The following EPHA4 variants were observed in gnomAD, a reference collection of about 807,000 sequenced individuals.
EPHA4 encodes ephrin type-A receptor 4.
In EPHA4, 19 loss-of-function variants were observed where a neutral mutation model predicts 108.3. That is an observed-to-expected ratio of 0.18 (90% confidence interval 0.12 to 0.26). The LOEUF is 0.26. EPHA4 is among the 10% of genes least tolerant of loss of function. EPHA4 has a pLI of 1.00. For missense variants in EPHA4, 917 were observed against 1,254.0 expected, an observed-to-expected ratio of 0.73 and a Z score of 4.06; for synonymous variants, 449 against 455.5, an observed-to-expected ratio of 0.99 and a Z score of 0.18.
intron 5 of EPHA4, among the ~76,000 whole-genome samples, chr2:221,473,971 G>A (rs747866257): frequency 6.6e-6 from 1 of 152,162 alleles, no homozygotes; most frequent in Non-Finnish European, 1.5e-5. Flanking sequence ...CTTTCTGTAG[G>A]AGCAAAAGGA....
At position 221,420,412 on chromosome 2, in the gene EPHA4, A is replaced by G. The variant is rs1574547045; in HGVS notation, c.*960T>C. ...TTTCAGGTATGGGTGTTGTTTCATC[A>G]GTGTCTTTGCCCCAGAACTGGTGTA... On this transcript the variant is annotated 3_prime_UTR_variant, in exon 18 of 18. Coordinates refer to ENST00000281821, the MANE Select transcript of EPHA4 (RefSeq NM_004438.5). The G allele has an allele frequency of 6.6e-6, 1 of 152,640 alleles. No individual in the cohort carries two copies. The highest frequency in any genetic ancestry group is 1.9e-4 in the East Asian group (1 of 5,194). The allele number at this position is 152,640 out of a possible 1,614,324, so 9.5% of individuals were successfully genotyped here.
At chr2:221,570,369 A>G (rs1694794703) in intron 1 of EPHA4, among the ~76,000 whole-genome samples, 1 of 151,970 alleles carries the variant, frequency 6.6e-6, no homozygotes, top group Non-Finnish European at 1.5e-5. Flanking sequence ...AACAGTCTCT[A>G]CATCTGGGGC....
At chr2:221,431,788 G>T (rs1690084402) in intron 14 of EPHA4, among the ~76,000 whole-genome samples, 1 of 152,300 alleles carries the variant, frequency 6.6e-6, no homozygotes, top group Middle Eastern at 3.4e-3. Context: ...TCCACTGCCA[G>T]CTTGGAAGAT....
intron 3 of EPHA4, chr2:221,532,582 A>G (rs1315239097): frequency 6.6e-6 from 1 of 152,234 alleles, no homozygotes; most frequent in Non-Finnish European, 1.5e-5. Context: ...TTTAGTTCCT[A>G]CTTAAGGAAC....
chr2:221,571,932 T>A lies in EPHA4; in HGVS notation c.91+226A>T, dbSNP rs1315910624. On this transcript the variant is annotated intron_variant, in intron 1 of 17. Coordinates refer to ENST00000281821, the MANE Select transcript of EPHA4 (RefSeq NM_004438.5). The surrounding 1 kb of genome is among the most constrained non-coding windows in gnomAD (Gnocchi z 6.3). ...TAAACTTTGGCCTTTGGTTACAAAC[T>A]TGGACAGACCCGCCGCGTGCACGGG... Among the ~76,000 whole-genome samples the A allele has an allele frequency of 6.6e-6, 1 of 152,116 alleles. No homozygotes were observed. Among genetic ancestry groups the A allele is most frequent in the Non-Finnish European group, 1.5e-5 (1 of 68,022 alleles).
At chr2:221,511,226 C>T (rs1692817631) in intron 3 of EPHA4, among the ~76,000 whole-genome samples, 1 of 151,782 alleles carries the variant, frequency 6.6e-6, no homozygotes, top group Non-Finnish European at 1.5e-5. Flanking sequence ...TTAAAGTGAA[C>T]TAAAAACGGC....
At chr2:221,497,772 C>T (rs905495828) in intron 4 of EPHA4, among the ~76,000 whole-genome samples, 1 of 151,894 alleles carries the variant, frequency 6.6e-6, no homozygotes, top group Admixed American at 6.6e-5. Flanking sequence ...TAAAGTAATG[C>T]ACAAGACCTT....
chr2:221,536,373 A>C (rs1693669152), intron 3 of EPHA4, among the ~76,000 whole-genome samples: 1 of 152,204 alleles, frequency 6.6e-6, no homozygotes, highest in Non-Finnish European at 1.5e-5. Flanking sequence ...AATGGTTTTT[A>C]ATCCCTGTAC....
intron 3 of EPHA4, among the ~76,000 whole-genome samples, chr2:221,561,616 G>A (rs564125327): frequency 1.3e-4 from 20 of 152,260 alleles, no homozygotes; most frequent in Non-Finnish European, 2.5e-4. Flanking sequence ...GAGGACGCAC[G>A]TGATTAACTG....
At chr2:221,540,172 G>A (rs148455353) in intron 3 of EPHA4, among the ~76,000 whole-genome samples, 2,044 of 152,202 alleles carry the variant, frequency 0.013, 23 homozygotes, top group Admixed American at 0.017. Flanking sequence ...TGCCCGCCTC[G>A]TCCTCCCAAA....
At chr2:221,551,789 C>T (rs910996996) in intron 3 of EPHA4, among the ~76,000 whole-genome samples, 1 of 152,046 alleles carries the variant, frequency 6.6e-6, no homozygotes, top group Non-Finnish European at 1.5e-5. Flanking sequence ...TTTAAAGACG[C>T]TTTTCATTCA....
At chr2:221,465,374 G>A (rs944188092) in intron 5 of EPHA4, among the ~76,000 whole-genome samples, 2 of 152,056 alleles carry the variant, frequency 1.3e-5, no homozygotes, top group East Asian at 1.9e-4. Context: ...GATGGGCAAC[G>A]GATTATTTTC....
chr2:221,544,023 G>A (rs1357956773), intron 3 of EPHA4, among the ~76,000 whole-genome samples: 1 of 152,068 alleles, frequency 6.6e-6, no homozygotes, highest in East Asian at 1.9e-4. Context: ...GCTATATCCT[G>A]ACATGGTAAA....
Position 221,499,745 on chromosome 2 carries a change from TATATATATA to T in EPHA4, c.979+1263_979+1271del, listed in dbSNP as rs1436368882. Among the ~76,000 whole-genome samples the T allele has an allele frequency of 4.1e-3, 250 of 60,516 alleles. 6 individuals carry two copies. The highest frequency in any genetic ancestry group is 6.9e-3 in the East Asian group (13 of 1,884). The allele number at this position is 60,516 out of a possible 152,430, so 39.7% of individuals were successfully genotyped here. Reference sequence around the variant, plus strand: ...ATATATATATATATATATATATATATATATATATATATTTTTTTTTTTTTTTTTTGAGAC... The same window carrying T: ...ATATATATATATATATATATATATATTATTTTTTTTTTTTTTTTTTGAGAC... On this transcript the variant is annotated intron_variant, in intron 4 of 17. Transcript: ENST00000281821.
At chr2:221,483,879 G>A (rs538137861) in intron 4 of EPHA4, among the ~76,000 whole-genome samples, 1 of 152,138 alleles carries the variant, frequency 6.6e-6, no homozygotes, top group South Asian at 2.1e-4. Flanking sequence ...GAAGGGAGAG[G>A]GAATTTTCTT....
intron 3 of EPHA4, among the ~76,000 whole-genome samples, chr2:221,550,938 T>G (rs1694141979): frequency 6.6e-6 from 1 of 151,964 alleles, no homozygotes; most frequent in African/African-American, 2.4e-5. Context: ...TTTAACAAAA[T>G]TCAACATTCA....
At chr2:221,523,126 C>A (rs1287621243) in intron 3 of EPHA4, among the ~76,000 whole-genome samples, 1 of 151,840 alleles carries the variant, frequency 6.6e-6, no homozygotes, top group African/African-American at 2.4e-5. Context: ...TTCCAATATA[C>A]CTTCCTCACT....
chr2:221,464,987 T>C (rs1691261402), intron 5 of EPHA4, among the ~76,000 whole-genome samples: 1 of 152,246 alleles, frequency 6.6e-6, no homozygotes, highest in African/African-American at 2.4e-5. Flanking sequence ...AGTTCATTTA[T>C]ATTTAGATAT....
Position 221,566,969 on chromosome 2 carries a change from G to GAA in EPHA4, c.159+1748_159+1749insTT, listed in dbSNP as rs1553595985. Among the ~76,000 whole-genome samples the GAA allele has an allele frequency of 8.3e-4, 23 of 27,642 alleles. 6 individuals are homozygous for GAA. The highest frequency in any genetic ancestry group is 4.7e-3 in the Admixed American group (10 of 2,122). 18.1% of individuals were successfully genotyped at this position (27,642 alleles called of 152,430 possible). ...GAGAAGGAGAAGGGGAAGAGGAAGAGGAAGAAGAAGAAGAAGAAGAAGAAG... is the reference window on the plus strand; with the variant it reads ...GAGAAGGAGAAGGGGAAGAGGAAGAGAAGAAGAAGAAGAAGAAGAAGAAGAAG... On this transcript the variant is annotated intron_variant, in intron 2 of 17. Transcript: ENST00000281821.
Sources: allele counts gnomAD v4.1 joint callset (sites outside exome capture counted in the v4.1 genomes callset), GRCh38; gene constraint gnomAD v4.1.1; non-coding constraint Gnocchi (gnomAD v3.1); transcripts MANE v1.5; gene names NCBI Gene and HGNC (gene_info 2026-07-23, HGNC 2026-07-21).